RSPO2: variants seen among roughly 807,000 people sequenced by gnomAD.
RSPO2 encodes R-spondin-2.
RSPO2 carries 14 observed loss-of-function variants against 30.9 expected under a neutral mutation model. The ratio of observed to expected loss-of-function variants is 0.45; its 90% CI spans 0.30 to 0.71. RSPO2 has a LOEUF of 0.71. Ranked by LOEUF, RSPO2 falls within the 30% of genes least tolerant of loss-of-function variation. RSPO2 has a pLI of 0.08. For missense variants in RSPO2, 264 were observed against 301.9 expected, an observed-to-expected ratio of 0.87 and a Z score of 0.93; for synonymous variants, 107 against 96.4, an observed-to-expected ratio of 1.11 and a Z score of -0.64.
intron 5 of RSPO2, among the ~76,000 whole-genome samples, chr8:107,941,781 G>A (rs1359926035): frequency 6.6e-6 from 1 of 152,132 alleles, no homozygotes; most frequent in African/African-American, 2.4e-5. Flanking sequence ...TATAAACAAT[G>A]TAGTAAAACT....
Position 108,008,794 on chromosome 8 carries a change from A to T in RSPO2, c.95-19550T>A, listed in dbSNP as rs191176104. On this transcript the variant is annotated intron_variant, in intron 2 of 5. Coordinates refer to ENST00000276659, the MANE Select transcript of RSPO2 (RefSeq NM_178565.5). The stretch of plus-strand genomic sequence containing the variant: ...TAAAAAGGTCATAAACTGCAAAAAA[A>T]AAAAAATAAAGAAAAAGGTAAATTT... 2.3e-3 allele frequency among the ~76,000 whole-genome samples: 352 copies of T among 150,256 alleles called. 2 individuals are homozygous for T. Among genetic ancestry groups the T allele is most frequent in the African/African-American group, 8.1e-3 (329 of 40,434 alleles).
chr8:107,982,025 A>G (rs991877973), intron 3 of RSPO2, among the ~76,000 whole-genome samples: 1 of 150,218 alleles, frequency 6.7e-6, no homozygotes, highest in Admixed American at 6.6e-5. Flanking sequence ...AAAAAAAAAA[A>G]AAAAAAAGGA....
At chr8:108,044,877 G>A (rs1413459068) in intron 2 of RSPO2, among the ~76,000 whole-genome samples, 2 of 152,074 alleles carry the variant, frequency 1.3e-5, no homozygotes, top group African/African-American at 2.4e-5. Flanking sequence ...TTAGCTATAT[G>A]CAGAAGGATG....
At chr8:107,997,009 C>T (rs909028010) in intron 2 of RSPO2, 6 of 409,230 alleles carry the variant, frequency 1.5e-5, no homozygotes, top group Admixed American at 2.9e-5. Context: ...GTACTCTCTC[C>T]CCACTTTCTC....
At position 108,060,855 on chromosome 8, in the gene RSPO2, C is replaced by T. The variant is rs141661293; in HGVS notation, c.94+21690G>A. On this transcript the variant is annotated intron_variant, in intron 2 of 5. Transcript: ENST00000276659. ...GATCTCTCAAAAGAACCTCTACAAG[C>T]CAGAAGACAGTGGGGGCCAATATTC... 3.1e-3 allele frequency among the ~76,000 whole-genome samples: 476 copies of T among 151,788 alleles called. 16 individuals carry two copies. The highest frequency in any genetic ancestry group is 0.011 in the African/African-American group (458 of 41,088).
At chr8:107,983,740 G>T in intron 3 of RSPO2, 1 of 1,593,926 alleles carries the variant, frequency 6.3e-7, no homozygotes. Flanking sequence ...CTTCTAAAAG[G>T]TCCAATAGAA....
intron 5 of RSPO2, among the ~76,000 whole-genome samples, chr8:107,949,985 T>G (rs1465609532): frequency 6.6e-6 from 1 of 152,192 alleles, no homozygotes; most frequent in South Asian, 2.1e-4. Context: ...TTTGGAAGCA[T>G]GTATGTGACA....
intron 5 of RSPO2, among the ~76,000 whole-genome samples, chr8:107,918,588 AGAG>A (rs1812053096): frequency 1.3e-5 from 2 of 152,288 alleles, no homozygotes; most frequent in African/African-American, 4.8e-5. Flanking sequence ...TAGGACCTCC[AGAG>A]GAGAAGAATT....
rs191843914 is a variant in RSPO2, at chr8:108,057,006, G to A, written c.94+25539C>T. 5.0e-3 allele frequency among the ~76,000 whole-genome samples: 602 copies of A among 119,422 alleles called. 4 individuals are homozygous for A. The highest frequency in any genetic ancestry group is 0.017 in the African/African-American group (514 of 30,620). The allele number at this position is 119,422 out of a possible 152,430, so 78.3% of individuals were successfully genotyped here. A position where few individuals can be genotyped will look rare whatever the true frequency, so the allele number is the denominator to read the frequency against. The stretch of plus-strand genomic sequence containing the variant: ...TGGGAGGTGGAGGTTTCAGTGAGTC[G>A]AGATCACACCACTGCACTCCAGCCT... On this transcript the variant is annotated intron_variant, in intron 2 of 5. Coordinates refer to ENST00000276659, the MANE Select transcript of RSPO2 (RefSeq NM_178565.5).
At chr8:108,057,558 G>C (rs1473850408) in intron 2 of RSPO2, among the ~76,000 whole-genome samples, 3 of 151,886 alleles carry the variant, frequency 2.0e-5, no homozygotes, top group Non-Finnish European at 2.9e-5. Flanking sequence ...AACTATGCAG[G>C]GGGTTATTAC....
intron 5 of RSPO2, among the ~76,000 whole-genome samples, chr8:107,954,774 C>G (rs1252696487): frequency 6.6e-6 from 1 of 152,040 alleles, no homozygotes; most frequent in Non-Finnish European, 1.5e-5. Flanking sequence ...CCATGCCCAG[C>G]TAATTTTTGT....
intron 2 of RSPO2, among the ~76,000 whole-genome samples, chr8:108,067,174 T>G (rs909802733): frequency 4.6e-5 from 7 of 152,148 alleles, no homozygotes; most frequent in Admixed American, 1.3e-4. Flanking sequence ...TCAAAGAAAC[T>G]TTAGGTACAT....
chr8:108,042,698 A>G (rs1229871949), intron 2 of RSPO2, among the ~76,000 whole-genome samples: 1 of 152,126 alleles, frequency 6.6e-6, no homozygotes, highest in Non-Finnish European at 1.5e-5. Flanking sequence ...AGGATTCACT[A>G]ATGGTAAGTG....
At chr8:108,010,967 T>G (rs766993278) in intron 2 of RSPO2, among the ~76,000 whole-genome samples, 1 of 151,458 alleles carries the variant, frequency 6.6e-6, no homozygotes, top group Non-Finnish European at 1.5e-5. Context: ...TGTCTCCACA[T>G]ACAAAAAAAT....
At chr8:108,060,684 C>T (rs568879277) in intron 2 of RSPO2, among the ~76,000 whole-genome samples, 25 of 151,792 alleles carry the variant, frequency 1.6e-4, no homozygotes, top group African/African-American at 2.7e-4. Context: ...ATACAGAGAA[C>T]GCCACAAAGA....
chr8:107,919,774 GA>G (rs1227544013), intron 5 of RSPO2, among the ~76,000 whole-genome samples: 3 of 152,030 alleles, frequency 2.0e-5, no homozygotes, highest in Non-Finnish European at 4.4e-5. Context: ...TAAAAACTCT[GA>G]TCCCTGAATG....
intron 2 of RSPO2, among the ~76,000 whole-genome samples, chr8:108,035,169 G>A (rs1459011138): frequency 6.6e-6 from 1 of 152,158 alleles, no homozygotes; most frequent in Non-Finnish European, 1.5e-5. Context: ...TAGCAATAGA[G>A]CTTTAGAATG....
At chr8:107,975,745 A>G (rs1814183393) in intron 3 of RSPO2, among the ~76,000 whole-genome samples, 1 of 152,208 alleles carries the variant, frequency 6.6e-6, no homozygotes, top group South Asian at 2.1e-4. Context: ...CATTTTTTAT[A>G]TAATCTCCCA....
intron 5 of RSPO2, among the ~76,000 whole-genome samples, chr8:107,935,088 CG>C (rs2130356983): frequency 6.6e-6 from 1 of 152,224 alleles, no homozygotes; most frequent in South Asian, 2.1e-4. Flanking sequence ...TGACTGCCTG[CG>C]GGGCGGGACA....
Sources: gnomAD v4.1 joint callset for allele counts (sites outside exome capture counted in the v4.1 genomes callset) on GRCh38, gnomAD v4.1.1 for gene constraint, MANE v1.5 for transcripts, NCBI Gene and HGNC (gene_info 2026-07-23, HGNC 2026-07-21) for gene names.